The following SRGAP3 variants were observed in gnomAD, a reference collection of about 807,000 sequenced individuals.
The protein encoded by SRGAP3 is SLIT-ROBO Rho GTPase activating protein 3, also known as SLIT-ROBO Rho GTPase-activating protein 3.
In SRGAP3, 39 loss-of-function variants were observed where a neutral mutation model predicts 121.1. The ratio of observed to expected loss-of-function variants is 0.32; its 90% CI spans 0.25 to 0.42. The LOEUF is 0.42. Among genes scored for constraint, SRGAP3 ranks in the 10% least tolerant of loss-of-function variants. The pLI, the probability that SRGAP3 is intolerant of heterozygous loss-of-function variation, is 1.00. For synonymous variants in SRGAP3, 601 were observed against 570.0 expected (o/e 1.05, Z -0.77); for missense variants, 1,213 against 1,470.6 (o/e 0.82, Z 2.86).
intron 1 of SRGAP3, among the ~76,000 whole-genome samples, chr3:9,356,192 CTTTTTTTTTTT>C (rs929664300): frequency 8.2e-6 from 1 of 122,300 alleles, no homozygotes; most frequent in Admixed American, 8.1e-5. Flanking sequence ...ACTTTTTTTT[CTTTTTTTTTTT>C]TTTTTTTTGA....
At chr3:9,182,516 G>C (rs917864379) in intron 1 of SRGAP3, among the ~76,000 whole-genome samples, 5 of 152,142 alleles carry the variant, frequency 3.3e-5, no homozygotes, top group Admixed American at 6.5e-5. Flanking sequence ...CTGATAGAGT[G>C]ATTTCAGACA....
At chr3:9,147,619 C>CTAATGA in intron 1 of SRGAP3, among the ~76,000 whole-genome samples, 1 of 152,098 alleles carries the variant, frequency 6.6e-6, no homozygotes, top group East Asian at 1.9e-4. Context: ...CAGATGAGCC[C>CTAATGA]TTCCAGGGAA....
intron 1 of SRGAP3, among the ~76,000 whole-genome samples, chr3:9,200,541 C>A (rs1002426486): frequency 6.6e-6 from 1 of 152,076 alleles, no homozygotes; most frequent in Non-Finnish European, 1.5e-5. Flanking sequence ...GTAATTCTGC[C>A]CCCAAAAAGG....
At chr3:9,078,722 T>A (rs370993645) in intron 4 of SRGAP3, among the ~76,000 whole-genome samples, 11 of 152,322 alleles carry the variant, frequency 7.2e-5, no homozygotes, top group African/African-American at 2.6e-4. Flanking sequence ...CAGGCTGTTC[T>A]GCCCCCCAGT....
intron 10 of SRGAP3, among the ~76,000 whole-genome samples, chr3:9,038,619 C>T (rs1242391266): frequency 6.6e-6 from 1 of 152,240 alleles, no homozygotes; most frequent in Non-Finnish European, 1.5e-5. Flanking sequence ...GCTGCCCTGC[C>T]TCTGCCTTCA....
At chr3:9,277,462 G>A (rs544225145) in intron 3 of SRGAP3, among the ~76,000 whole-genome samples, 1 of 151,752 alleles carries the variant, frequency 6.6e-6, no homozygotes, top group East Asian at 1.9e-4. Flanking sequence ...ACAAAAATTA[G>A]CTGGGCATAG....
At chr3:9,025,036 T>C in intron 14 of SRGAP3, among the ~76,000 whole-genome samples, 1 of 152,176 alleles carries the variant, frequency 6.6e-6, no homozygotes, top group Admixed American at 6.5e-5. Flanking sequence ...AGGTAACAAT[T>C]AGAACTTAGT....
intron 1 of SRGAP3, among the ~76,000 whole-genome samples, chr3:9,152,498 T>C (rs928840664): frequency 6.6e-6 from 1 of 152,306 alleles, no homozygotes. Flanking sequence ...CAGGCCCAGC[T>C]GACGGCCACC....
At chr3:9,269,388 T>C (rs1954431272) in intron 3 of SRGAP3, among the ~76,000 whole-genome samples, 1 of 152,124 alleles carries the variant, frequency 6.6e-6, no homozygotes, top group African/African-American at 2.4e-5. Context: ...ACCCAGACAG[T>C]GTCTCCTGCA....
intron 10 of SRGAP3, among the ~76,000 whole-genome samples, chr3:9,045,696 C>T (rs1945234659): frequency 6.6e-6 from 1 of 152,220 alleles, no homozygotes; most frequent in Non-Finnish European, 1.5e-5. Context: ...CACTATGCTT[C>T]TGCACCAAGA....
chr3:9,039,685 T>C (rs1437774592), intron 10 of SRGAP3, among the ~76,000 whole-genome samples: 2 of 152,172 alleles, frequency 1.3e-5, no homozygotes, highest in Middle Eastern at 6.3e-3. Flanking sequence ...CTACTCTCTG[T>C]CTCTACAGAT....
chr3:9,294,547 AAAC>A (rs1002457269), intron 3 of SRGAP3, among the ~76,000 whole-genome samples: 3 of 83,646 alleles, frequency 3.6e-5, no homozygotes, highest in South Asian at 3.6e-4. Flanking sequence ...ACAAACAAAC[AAAC>A]AAAAAAAAAC....
intron 3 of SRGAP3, among the ~76,000 whole-genome samples, chr3:9,103,714 G>A (rs2124909681): frequency 6.6e-6 from 1 of 152,260 alleles, no homozygotes; most frequent in South Asian, 2.1e-4. Context: ...TTTCACAGAG[G>A]CTAAATAACT....
intron 18 of SRGAP3, among the ~76,000 whole-genome samples, chr3:9,003,779 C>T (rs1057245337): frequency 6.6e-6 from 1 of 152,036 alleles, no homozygotes; most frequent in Admixed American, 6.5e-5. Flanking sequence ...CTATGAAAAA[C>T]CCACAGCTAA....
intron 19 of SRGAP3, 134 bp from the exon 20 acceptor site, chr3:8,993,189 G>T: frequency 7.1e-7 from 1 of 1,417,164 alleles, no homozygotes; most frequent in Non-Finnish European, 9.7e-7. Context: ...CGCTTGCTAG[G>T]CCACTGCCCA....
chr3:9,090,348 G>C (rs1368278384), intron 3 of SRGAP3, among the ~76,000 whole-genome samples: 6 of 151,890 alleles, frequency 4.0e-5, no homozygotes, highest in Non-Finnish European at 5.9e-5. Flanking sequence ...ATTGTGCAGA[G>C]CAGTAGGAAA....
chr3:9,215,571 A>C (rs1224370583), intron 1 of SRGAP3, among the ~76,000 whole-genome samples: 1 of 152,226 alleles, frequency 6.6e-6, no homozygotes, highest in African/African-American at 2.4e-5. Flanking sequence ...TCTGTCTGTG[A>C]GGGTGCTTCT....
chr3:9,312,802 T>G (rs533230419), intron 3 of SRGAP3, among the ~76,000 whole-genome samples: 1 of 151,946 alleles, frequency 6.6e-6, no homozygotes, highest in African/African-American at 2.4e-5. Context: ...CTGGGCAACA[T>G]AGCGAGACCC....
chr3:9,312,399 T>C (rs1955262562), intron 3 of SRGAP3, among the ~76,000 whole-genome samples: 1 of 152,172 alleles, frequency 6.6e-6, no homozygotes, highest in Non-Finnish European at 1.5e-5. Context: ...TCAAGTGATC[T>C]GCCCGCCTCG....
Sources: allele counts gnomAD v4.1 joint callset (sites outside exome capture counted in the v4.1 genomes callset), GRCh38; gene constraint gnomAD v4.1.1; transcripts MANE v1.5; gene names NCBI Gene and HGNC (gene_info 2026-07-23, HGNC 2026-07-21).